The following NHS variants were observed in gnomAD, a reference collection of about 807,000 sequenced individuals.
The protein encoded by NHS is actin remodeling regulator NHS.
Under a neutral mutation model 72.5 loss-of-function variants are expected in NHS, and 5 were observed. That is an observed-to-expected ratio of 0.07 (90% CI 0.04 to 0.14). The LOEUF is 0.14. Ranked by LOEUF, NHS falls within the 10% of genes least tolerant of loss-of-function variation. NHS has a pLI of 1.00. For missense variants in NHS, 1,072 were observed against 1,355.7 expected, an observed-to-expected ratio of 0.79 and a Z score of 3.29; for synonymous variants, 464 against 547.7, an observed-to-expected ratio of 0.85 and a Z score of 2.13.
intron 1 of NHS, among the ~76,000 whole-genome samples, chrX:17,569,821 G>C (rs948465742): frequency 6.2e-5 from 7 of 112,030 alleles, no homozygotes; most frequent in African/African-American, 2.3e-4. Flanking sequence ...TTAAGTCTTT[G>C]ATCCATCTTG....
chrX:17,728,447 T>C, intron 7 of NHS, 119 bp downstream of exon 7: 8 of 861,528 alleles, frequency 9.3e-6, no homozygotes, highest in Non-Finnish European at 1.3e-5. Context: ...CCACTATTTC[T>C]TTGCACTTAT....
intron 1 of NHS, among the ~76,000 whole-genome samples, chrX:17,424,758 A>T (rs1427122596): frequency 8.9e-6 from 1 of 112,393 alleles, no homozygotes; most frequent in African/African-American, 3.2e-5. Context: ...GCTTTAGAGA[A>T]TGGATGTGCT....
intron 1 of NHS, among the ~76,000 whole-genome samples, chrX:17,615,261 C>CATATAT (rs756380375): frequency 0.03 from 2,695 of 89,366 alleles, 197 homozygotes; most frequent in African/African-American, 0.13. Flanking sequence ...CATATATACA[C>CATATAT]ATATATATAT....
intron 3 of NHS, among the ~76,000 whole-genome samples, chrX:17,711,282 C>A (rs2066328022): frequency 9.0e-6 from 1 of 111,230 alleles, no homozygotes; most frequent in South Asian, 3.8e-4. Flanking sequence ...GTCCAGTGGG[C>A]CCTGTTTTGT....
In NHS at chrX:17,395,807, T is replaced by C. The variant is rs1389909648; in HGVS notation, c.565+19485T>C. 8.9e-5 allele frequency among the ~76,000 whole-genome samples: 10 copies of C among 112,182 alleles called. 1 individual carries two copies. The highest frequency in any genetic ancestry group is 3.2e-4 in the African/African-American group (10 of 30,878). ...CCAAAGATGTTATTTCAGAATTTGA[T>C]CTAAGAAAATAATTGCAAAAGTAAA... On this transcript the variant is annotated intron_variant, in intron 1 of 8. Coordinates refer to ENST00000676302, the MANE Select transcript of NHS (RefSeq NM_001291867.2).
rs541627696 is a variant in NHS, at chrX:17,476,038, TG to T, written c.565+99721del. 9.9e-5 allele frequency among the ~76,000 whole-genome samples: 11 copies of T among 110,932 alleles called. No individual in the cohort carries two copies. In the South Asian group the frequency reaches 4.2e-3, roughly 43 times the overall value. On this transcript the variant is annotated intron_variant, in intron 1 of 8. Coordinates refer to ENST00000676302, the MANE Select transcript of NHS (RefSeq NM_001291867.2). Reference sequence around the variant, plus strand: ...GCCAGAGGAATGCCTCTAGGGAGGATGGGGGTGGGTGAGACTGGAGACCAAG... The same window carrying T: ...GCCAGAGGAATGCCTCTAGGGAGGATGGGGTGGGTGAGACTGGAGACCAAG...
At chrX:17,602,895 C>A (rs776959588) in intron 1 of NHS, among the ~76,000 whole-genome samples, 1 of 99,088 alleles carries the variant, frequency 1.0e-5, no homozygotes, top group African/African-American at 3.9e-5. Context: ...GGCTGGAATG[C>A]AGTGCTGTGG....
chrX:17,410,539 C>CA (rs1484201091), intron 1 of NHS, among the ~76,000 whole-genome samples: 1 of 89,439 alleles, frequency 1.1e-5, no homozygotes, highest in Non-Finnish European at 2.1e-5. Flanking sequence ...TTTTTTTTTC[C>CA]AGACCTTAGA....
At chrX:17,593,118 A>G (rs2065610369) in intron 1 of NHS, among the ~76,000 whole-genome samples, 1 of 111,837 alleles carries the variant, frequency 8.9e-6, no homozygotes, top group African/African-American at 3.3e-5. Context: ...CAAAATTAAA[A>G]TGAGCACAGG....
chrX:17,665,093 A>AT (rs1278139287), intron 1 of NHS, among the ~76,000 whole-genome samples: 4 of 109,258 alleles, frequency 3.7e-5, no homozygotes. Context: ...TGATTTTTAT[A>AT]TATTGACCTT....
At chrX:17,634,577 T>C (rs2065835588) in intron 1 of NHS, among the ~76,000 whole-genome samples, 1 of 111,539 alleles carries the variant, frequency 9.0e-6, no homozygotes, top group Non-Finnish European at 1.9e-5. Flanking sequence ...ACCTAAACTC[T>C]CCCTTTCTTG....
chrX:17,642,159 G>GA (rs2065884616), intron 1 of NHS, among the ~76,000 whole-genome samples: 1 of 112,029 alleles, frequency 8.9e-6, no homozygotes, highest in Non-Finnish European at 1.9e-5. Context: ...TGTTAGCCAG[G>GA]ATGGTCTCGA....
chrX:17,622,081 A>G (rs1222017988), intron 1 of NHS, among the ~76,000 whole-genome samples: 1 of 111,702 alleles, frequency 9.0e-6, no homozygotes, highest in East Asian at 2.8e-4. Context: ...TTCAGCTTCA[A>G]TTAAAAACAT....
At chrX:17,388,992 C>T (rs747731911) in intron 1 of NHS, among the ~76,000 whole-genome samples, 49 of 111,133 alleles carry the variant, frequency 4.4e-4, no homozygotes, top group Middle Eastern at 4.6e-3. Flanking sequence ...CCCTCCTCTC[C>T]GCTCTCACTC....
At chrX:17,436,145 T>C (rs1171397432) in intron 1 of NHS, among the ~76,000 whole-genome samples, 5 of 111,706 alleles carry the variant, frequency 4.5e-5, no homozygotes, top group African/African-American at 1.6e-4. Flanking sequence ...TTTGTTGTTG[T>C]TGTTTGTTTG....
chrX:17,450,128 G>T (rs1214029530), intron 1 of NHS, among the ~76,000 whole-genome samples: 1 of 111,352 alleles, frequency 9.0e-6, no homozygotes, highest in African/African-American at 3.3e-5. Flanking sequence ...AAACTTGAGG[G>T]TCTGCCACTC....
At chrX:17,427,006 A>T (rs187892256) in intron 1 of NHS, among the ~76,000 whole-genome samples, 3 of 111,909 alleles carry the variant, frequency 2.7e-5, no homozygotes, top group African/African-American at 9.8e-5. Context: ...TTTGAGATTA[A>T]TCTGCTGTCT....
chrX:17,446,857 T>C (rs1465739446), intron 1 of NHS, among the ~76,000 whole-genome samples: 2 of 112,203 alleles, frequency 1.8e-5, no homozygotes, highest in Non-Finnish European at 3.8e-5. Flanking sequence ...TATTTCTGTG[T>C]CACCAAATAT....
chrX:17,731,375 C>T (rs1292977203), intron 8 of NHS, among the ~76,000 whole-genome samples: 4 of 108,116 alleles, frequency 3.7e-5, no homozygotes, highest in African/African-American at 1.3e-4. Context: ...GTAGCTGGGA[C>T]TACAGGCATG....
Sources: allele counts gnomAD v4.1 joint callset (sites outside exome capture counted in the v4.1 genomes callset), GRCh38; gene constraint gnomAD v4.1.1; transcripts MANE v1.5; gene names NCBI Gene and HGNC (gene_info 2026-07-23, HGNC 2026-07-21).